Variants in GALNT17 observed in about 807,000 individuals in gnomAD.
GALNT17 encodes polypeptide N-acetylgalactosaminyltransferase 17.
GALNT17 carries 29 observed loss-of-function variants against 63.7 expected under a neutral mutation model. The ratio of observed to expected loss-of-function variants is 0.46; its 90% CI spans 0.34 to 0.62. GALNT17 has a LOEUF of 0.62. Among genes scored for constraint, GALNT17 ranks in the 20% least tolerant of loss-of-function variants. The pLI is 0.01. For synonymous variants in GALNT17, 305 were observed against 318.3 expected, an observed-to-expected ratio of 0.96 and a Z score of 0.45; for missense variants, 603 against 799.6, an observed-to-expected ratio of 0.75 and a Z score of 2.97.
intron 1 of GALNT17, among the ~76,000 whole-genome samples, chr7:71,270,086 T>C (rs1401890859): frequency 1.3e-5 from 2 of 152,130 alleles, no homozygotes; most frequent in Non-Finnish European, 2.9e-5. Context: ...TTTAAACTCA[T>C]TTACTCACCC....
At chr7:71,236,704 A>G (rs1789897912) in intron 1 of GALNT17, among the ~76,000 whole-genome samples, 1 of 152,192 alleles carries the variant, frequency 6.6e-6, no homozygotes, top group Non-Finnish European at 1.5e-5. Context: ...AACAAGAACC[A>G]GAAACATGGA....
At chr7:71,548,087 T>A (rs888747318) in intron 5 of GALNT17, among the ~76,000 whole-genome samples, 23 of 151,858 alleles carry the variant, frequency 1.5e-4, no homozygotes, top group Middle Eastern at 6.8e-3. Flanking sequence ...ATTTTTTTTT[T>A]TAAAAATTAG....
intron 5 of GALNT17, among the ~76,000 whole-genome samples, chr7:71,498,445 A>G (rs981072036): frequency 2.6e-5 from 4 of 152,154 alleles, no homozygotes; most frequent in African/African-American, 9.7e-5. Flanking sequence ...TCCACAACAG[A>G]GTGAGACTCT....
intron 1 of GALNT17, among the ~76,000 whole-genome samples, chr7:71,242,391 C>T (rs555204015): frequency 6.6e-6 from 1 of 151,262 alleles, no homozygotes; most frequent in Non-Finnish European, 1.5e-5. Context: ...GCTTCAGCCT[C>T]CCGAGTAGCT....
chr7:71,254,259 T>C (rs891301604), intron 1 of GALNT17, among the ~76,000 whole-genome samples: 6 of 152,198 alleles, frequency 3.9e-5, no homozygotes, highest in South Asian at 2.1e-4. Flanking sequence ...TCAAGGTTTT[T>C]ATCATGCAGA....
intron 1 of GALNT17, among the ~76,000 whole-genome samples, chr7:71,328,711 G>A (rs1420383191): frequency 6.6e-6 from 1 of 150,904 alleles, no homozygotes; most frequent in Non-Finnish European, 1.5e-5. Flanking sequence ...GGGTGAAAAT[G>A]GAAGCACATG....
At chr7:71,187,282 C>CTTTTTTTTT (rs752197934) in intron 1 of GALNT17, among the ~76,000 whole-genome samples, 1 of 141,072 alleles carries the variant, frequency 7.1e-6, no homozygotes. Context: ...GCTAATTTTT[C>CTTTTTTTTT]TTTCTTTTTT....
intron 6 of GALNT17, among the ~76,000 whole-genome samples, chr7:71,592,178 T>C (rs1789812243): frequency 6.6e-6 from 1 of 151,800 alleles, no homozygotes; most frequent in Admixed American, 6.6e-5. Context: ...AAGGCTGGAG[T>C]GTGTAAACCA....
intron 1 of GALNT17, among the ~76,000 whole-genome samples, chr7:71,148,781 C>T (rs1220132444): frequency 1.3e-5 from 2 of 149,824 alleles, no homozygotes; most frequent in East Asian, 3.9e-4. Flanking sequence ...CTTTTTCCCC[C>T]TCAGGGTACA....
intron 1 of GALNT17, among the ~76,000 whole-genome samples, chr7:71,193,290 G>A (rs117740925): frequency 0.013 from 2,036 of 151,618 alleles, 20 homozygotes; most frequent in Middle Eastern, 0.024. Context: ...TGTAGAGGTG[G>A]GGTCTTGCTG....
chr7:71,315,424 G>A (rs1791483132), intron 1 of GALNT17, among the ~76,000 whole-genome samples: 1 of 152,140 alleles, frequency 6.6e-6, no homozygotes, highest in Non-Finnish European at 1.5e-5. Flanking sequence ...GTAATTCCAT[G>A]TTTCACCTTT....
rs144846242 is a variant in GALNT17, at chr7:71,332,005, G to A, written c.239-3545G>A. Among the ~76,000 whole-genome samples, 19 of 152,266 alleles carry A rather than the reference G, an allele frequency of 1.2e-4. No individual in the cohort carries two copies. In the East Asian group the frequency reaches 3.5e-3, roughly 28 times the overall value. Reference sequence around the variant, plus strand: ...TATAGATAAAAAGCTAAAGTCAAGGGACCTAGGGCTGCAGAATGACTTTTG... The same window carrying A: ...TATAGATAAAAAGCTAAAGTCAAGGAACCTAGGGCTGCAGAATGACTTTTG... On this transcript the variant is annotated intron_variant, in intron 1 of 10. Coordinates refer to ENST00000333538, the MANE Select transcript of GALNT17 (RefSeq NM_022479.3).
chr7:71,225,030 T>G (rs10226156), intron 1 of GALNT17, among the ~76,000 whole-genome samples: 56,061 of 152,052 alleles, frequency 0.37, 10,992 homozygotes, highest in South Asian at 0.55. Context: ...CTGGAGGGGC[T>G]TGATCTCTGC....
Position 71,534,564 on chromosome 7 carries a change from A to G in GALNT17, c.963-36721A>G, listed in dbSNP as rs1327338831. Among the ~76,000 whole-genome samples, 3 of 143,024 alleles carry G rather than the reference A, an allele frequency of 2.1e-5. No individual in the cohort carries two copies. In the East Asian group the frequency reaches 6.3e-4, roughly 30 times the overall value. The allele number at this position is 143,024 out of a possible 152,430, so 93.8% of individuals were successfully genotyped here. A position where few individuals can be genotyped will look rare whatever the true frequency, so the allele number is the denominator to read the frequency against. ...CAGTGAGCCAAGATCGTGCCACTGC[A>G]CTCCAGCCTGGGCAACAGAGCGAGA... On this transcript the variant is annotated intron_variant, in intron 5 of 10. Coordinates refer to ENST00000333538, the MANE Select transcript of GALNT17 (RefSeq NM_022479.3).
intron 1 of GALNT17, among the ~76,000 whole-genome samples, chr7:71,152,196 C>T (rs889654671): frequency 3.3e-4 from 50 of 152,036 alleles, no homozygotes; most frequent in African/African-American, 1.1e-3. Flanking sequence ...ACAAATCTCA[C>T]GAAATATCTT....
intron 5 of GALNT17, among the ~76,000 whole-genome samples, chr7:71,484,000 G>A (rs1019456454): frequency 2.0e-5 from 3 of 151,902 alleles, no homozygotes; most frequent in Non-Finnish European, 4.4e-5. Context: ...GGTCTTCAGG[G>A]GCAATAACAC....
In GALNT17 at chr7:71,620,629, T is replaced by C. The variant is rs1297682093; in HGVS notation, c.1081-44782T>C. ...TTAATTGATGCATAACGGATATACA[T>C]AGTTTTGGGGTTGATGTGATCATTT... On this transcript the variant is annotated intron_variant, in intron 6 of 10. Coordinates refer to ENST00000333538, the MANE Select transcript of GALNT17 (RefSeq NM_022479.3). Among the ~76,000 whole-genome samples the C allele has an allele frequency of 2.6e-5, 4 of 152,288 alleles. No homozygotes were observed. The East Asian group carries it at 7.7e-4, about 29-fold the overall frequency.
intron 1 of GALNT17, among the ~76,000 whole-genome samples, chr7:71,320,996 T>TA (rs1466428699): frequency 1.3e-5 from 2 of 152,162 alleles, no homozygotes; most frequent in African/African-American, 4.8e-5. Flanking sequence ...CGATTAGGAA[T>TA]AAAAATGCTA....
intron 5 of GALNT17, among the ~76,000 whole-genome samples, chr7:71,492,267 G>A (rs1039574001): frequency 1.3e-5 from 2 of 152,148 alleles, no homozygotes; most frequent in African/African-American, 4.8e-5. Flanking sequence ...GACAGAGCAA[G>A]ACTCCGTCTC....
Sources: allele counts gnomAD v4.1 joint callset (sites outside exome capture counted in the v4.1 genomes callset), GRCh38; gene constraint gnomAD v4.1.1; transcripts MANE v1.5; gene names NCBI Gene and HGNC (gene_info 2026-07-23, HGNC 2026-07-21).